DHX34: variants seen among roughly 807,000 people sequenced by gnomAD.
DHX34 encodes DExH-box helicase 34.
In DHX34, 96 loss-of-function variants were observed where a neutral mutation model predicts 111.1. The ratio of observed to expected loss-of-function variants is 0.86; its 90% CI spans 0.73 to 1.02. DHX34 has a LOEUF of 1.02. DHX34 is among the 50% of genes least tolerant of loss of function. The pLI is 0.00. For synonymous variants in DHX34, 688 were observed against 670.4 expected (o/e 1.03, Z -0.41); for missense variants, 1,560 against 1,579.9 (o/e 0.99, Z 0.21).
intron 1 of DHX34, among the ~76,000 whole-genome samples, chr19:47,351,917 AGAAGT>A (rs1407282631): frequency 6.6e-6 from 1 of 152,238 alleles, no homozygotes; most frequent in African/African-American, 2.4e-5. Context: ...TCCTCAGAAA[AGAAGT>A]AAAGGGTTGT....
Position 47,372,738 on chromosome 19 carries a change from C to T in DHX34, c.1777C>T (p.Leu593=), listed in dbSNP as rs760381927. The T allele has an allele frequency of 3.7e-6, 6 of 1,604,916 alleles. No individual in the cohort carries two copies. Among genetic ancestry groups the T allele is most frequent in the Non-Finnish European group, 5.1e-6 (6 of 1,175,718 alleles). ...CGTGTCCGCCGCTGCAGGGAAGATG[C>T]TGATCCTGGGCTCCATGTTCAGCCT... ...LPVDVVIGKM[L]ILGSMFSLVE... Residue 593 remains leucine (L), a synonymous_variant, in exon 8 of 17, where the codon CTG becomes TTG. Transcript: ENST00000328771.
At chr19:47,379,603 CAT>C (rs1970284784) in intron 13 of DHX34, 105 bp from the exon 14 acceptor site, 1 of 1,492,568 alleles carries the variant, frequency 6.7e-7, no homozygotes. Context: ...GGATGCCTCA[CAT>C]AGACAGGGCT....
chr19:47,367,438 TGGAGAGAAGAA>T (rs1969825984), intron 7 of DHX34, among the ~76,000 whole-genome samples: 5 of 152,114 alleles, frequency 3.3e-5, no homozygotes, highest in African/African-American at 1.2e-4. Flanking sequence ...CCTAGTGTTC[TGGAGAGAAGAA>T]ACAACGGGGT....
Position 47,375,955 on chromosome 19 carries a change from C to T in DHX34, c.2339C>T (p.Ala780Val), listed in dbSNP as rs757659403. ...AAGTTCAAGCTTCGGCATGACCTGG[C>T]GCAGCTGCAGGCCGCTGCCAGCTCA... ...DVKFKLRHDL[A>V]QLQAAASSAQ... The change falls in exon 11 of 17, where the codon GCG (alanine) becomes GTG (valine). Residue 780 changes from alanine to valine, a missense_variant. Physicochemically the swap from Ala to Val is moderately conservative, Grantham distance 64. Transcript: ENST00000328771. 1.7e-5 allele frequency: 27 copies of T among 1,603,596 alleles called. No homozygotes were observed. Among genetic ancestry groups the T allele is most frequent in the Non-Finnish European group, 2.1e-5 (25 of 1,177,716 alleles).
chr19:47,357,036 C>G (rs991385517), intron 3 of DHX34, among the ~76,000 whole-genome samples: 5 of 151,962 alleles, frequency 3.3e-5, no homozygotes, highest in Non-Finnish European at 5.9e-5. Flanking sequence ...GCTATGTTGT[C>G]TGCCTGGTCA....
At chr19:47,351,171 C>CTTTTTTTTTTTTT (rs955543104) in intron 1 of DHX34, among the ~76,000 whole-genome samples, 41 of 93,098 alleles carry the variant, frequency 4.4e-4, no homozygotes, top group East Asian at 6.4e-4. Flanking sequence ...TTTTCTTTTT[C>CTTTTTTTTTTTTT]TTTTTTTTTT....
intron 6 of DHX34, 57 bp downstream of exon 6, chr19:47,362,750 G>A: frequency 6.9e-7 from 1 of 1,456,772 alleles, no homozygotes; most frequent in Non-Finnish European, 9.2e-7. Context: ...GGAGGAACCT[G>A]GGAGGCCTTT....
At chr19:47,371,776 T>C (rs1969972579) in intron 7 of DHX34, among the ~76,000 whole-genome samples, 1 of 151,980 alleles carries the variant, frequency 6.6e-6, no homozygotes, top group South Asian at 2.1e-4. Flanking sequence ...ATTTTTGTAT[T>C]TTTAGTAGAG....
intron 3 of DHX34, among the ~76,000 whole-genome samples, chr19:47,356,035 T>G (rs1351830168): frequency 1.3e-5 from 2 of 152,160 alleles, no homozygotes; most frequent in Non-Finnish European, 2.9e-5. Context: ...GTCAGCAAGA[T>G]TGACATTTCA....
At chr19:47,376,925 G>A (rs374681759) in intron 12 of DHX34, 175 bp from the exon 13 acceptor site, 43 of 1,536,596 alleles carry the variant, frequency 2.8e-5, no homozygotes, top group Non-Finnish European at 3.3e-5. Context: ...GCATGGCTGC[G>A]TGCTGGGAGT....
In DHX34 at chr19:47,353,690, G is replaced by A; in HGVS notation, c.660G>A (p.Leu220=). The change falls in exon 2 of 17, where the codon CTG becomes CTA. Residue 220 remains leucine (L), a synonymous_variant. Transcript: ENST00000328771. The surrounding 1 kb of genome is among the most constrained non-coding windows in gnomAD (Gnocchi z 4.6). ...CCCGGCGGATCGCCTGCATCTCACT[G>A]GCCAAGCGTGTGGGCTTTGAGAGCC... ...TQPRRIACIS[L]AKRVGFESLS... The A allele has an allele frequency of 6.2e-7, 1 of 1,610,502 alleles. No homozygotes were observed. The highest frequency in any genetic ancestry group is 8.5e-7 in the Non-Finnish European group (1 of 1,178,252).
chr19:47,382,087 C>A lies in DHX34; in HGVS notation c.3406C>A (p.Leu1136Met), dbSNP rs1311377167. ...CTTCCTCTTTACACCCACAGAGGTG[C>A]TGCGCCACCGGAAGCAGCACGTGTG... The part of the protein sequence containing the change: ...KDFLFTPTEV[L>M]RHRKQHV The change falls in exon 17 of 17, where the codon CTG (leucine) becomes ATG (methionine). Residue 1136 changes from leucine to methionine, a missense_variant. Leu to Met is a conservative substitution (Grantham distance 15). Transcript: ENST00000328771. 4 of 1,613,952 alleles carry A rather than the reference C, an allele frequency of 2.5e-6. No homozygotes were observed. The African/African-American group carries it at 5.3e-5, about 22-fold the overall frequency.
Position 47,353,638 on chromosome 19 carries a change from G to A in DHX34, c.608G>A (p.Gly203Asp). ...TQVPQYLLAA[G>D]FSHVACTQPR... ...GTGCCCCAGTACCTGCTGGCTGCTG[G>A]CTTCAGTCATGTGGCGTGCACCCAG... The change falls in exon 2 of 17, where the codon GGC (glycine) becomes GAC (aspartate). Residue 203 changes from glycine (G) to aspartate (D), a missense_variant. Coordinates refer to ENST00000328771, the MANE Select transcript of DHX34 (RefSeq NM_014681.6). This position sits in a 1 kb window ranked among gnomAD's most constrained non-coding sequence, Gnocchi z 4.6. The A allele has an allele frequency of 6.2e-7, 1 of 1,613,176 alleles. No individual in the cohort carries two copies. Among genetic ancestry groups the A allele is most frequent in the Non-Finnish European group, 8.5e-7 (1 of 1,179,930 alleles).
In DHX34 at chr19:47,353,408, C is replaced by G; in HGVS notation, c.378C>G (p.Pro126=). Residue 126 remains proline (P), a synonymous_variant, in exon 2 of 17, where the codon CCC becomes CCG. Transcript: ENST00000328771. This position sits in a 1 kb window ranked among gnomAD's most constrained non-coding sequence, Gnocchi z 4.6. ...CTCAGGGACTGGGCAGGCACTTGCC[C>G]GCGGAGAGAGTGGCTGAGTTCCGCC... ...RGSQGLGRHL[P]AERVAEFRRA... The G allele has an allele frequency of 6.2e-7, 1 of 1,614,174 alleles. No individual in the cohort carries two copies. The highest frequency in any genetic ancestry group is 8.5e-7 in the Non-Finnish European group (1 of 1,180,044).
intron 5 of DHX34, among the ~76,000 whole-genome samples, chr19:47,361,604 C>T (rs920375424): frequency 1.3e-5 from 2 of 151,926 alleles, no homozygotes; most frequent in Non-Finnish European, 2.9e-5. Context: ...CATGGTGAAA[C>T]CCCATCTCTA....
intron 6 of DHX34, among the ~76,000 whole-genome samples, chr19:47,363,012 G>A (rs948695070): frequency 1.3e-5 from 2 of 152,028 alleles, no homozygotes; most frequent in Non-Finnish European, 2.9e-5. Context: ...GTGCAGTGGT[G>A]CGATCTCGGC....
chr19:47,376,405 A>G, intron 11 of DHX34, 38 bp from the exon 12 acceptor site: 1 of 1,593,012 alleles, frequency 6.3e-7, no homozygotes, highest in Non-Finnish European at 8.5e-7. Flanking sequence ...AGGAGAGAGC[A>G]GATAGGAGGG....
Position 47,377,083 on chromosome 19 carries a change from C to G in DHX34, c.2600-17C>G. ...GTGGGCCAGGGTGGGCCTGAGCGGT[C>G]CTCCTCAACCTTTCAGACGACAAGG... On this transcript the variant is annotated splice_polypyrimidine_tract_variant and intron_variant, in intron 12 of 16. Coordinates refer to ENST00000328771, the MANE Select transcript of DHX34 (RefSeq NM_014681.6). 1 of 1,613,706 alleles carries G rather than the reference C, an allele frequency of 6.2e-7. No homozygotes were observed. The highest frequency in any genetic ancestry group is 8.5e-7 in the Non-Finnish European group (1 of 1,179,818).
chr19:47,353,514 C>T lies in DHX34; in HGVS notation c.484C>T (p.Leu162Phe), dbSNP rs1299646502. 7 of 1,613,824 alleles carry T rather than the reference C, an allele frequency of 4.3e-6. No homozygotes were observed. The highest frequency in any genetic ancestry group is 1.7e-5 in the Admixed American group (1 of 60,016). ...LAKLQRERAA[L>F]PIAQYGNRIL... ...CAAGCTGCAGCGTGAGCGGGCAGCC[C>T]TCCCCATCGCCCAGTATGGGAACCG... Residue 162 changes from leucine (L) to phenylalanine (F), a missense_variant, in exon 2 of 17, where the codon CTC becomes TTC. Leu to Phe is a conservative substitution (Grantham distance 22). Transcript: ENST00000328771. This position sits in a 1 kb window ranked among gnomAD's most constrained non-coding sequence, Gnocchi z 4.6.
Sources: gnomAD v4.1 joint callset for allele counts (sites outside exome capture counted in the v4.1 genomes callset) on GRCh38, gnomAD v4.1.1 for gene constraint, Gnocchi (gnomAD v3.1) non-coding constraint, MANE v1.5 for transcripts, NCBI Gene and HGNC (gene_info 2026-07-23, HGNC 2026-07-21) for gene names.